The following SLC15A5 variants were observed in gnomAD, a reference collection of about 807,000 sequenced individuals.
SLC15A5 encodes solute carrier family 15 member 5, also known as Peptide/histidine transporter ENSP00000340402.
A neutral mutation model predicts 56.1 loss-of-function variants in SLC15A5; 58 were observed. The ratio of observed to expected loss-of-function variants is 1.03; its 90% CI spans 0.84 to 1.29. The LOEUF is 1.29. Among genes scored for constraint, SLC15A5 ranks in the 50% most tolerant of loss-of-function variants. SLC15A5 has a pLI of 0.00. For missense variants in SLC15A5, 681 were observed against 672.1 expected (o/e 1.01, Z -0.15); for synonymous variants, 264 against 250.5 (o/e 1.05, Z -0.51).
chr12:16,218,194 A>C (rs971013085), intron 6 of SLC15A5, among the ~76,000 whole-genome samples: 3 of 152,170 alleles, frequency 2.0e-5, no homozygotes, highest in Non-Finnish European at 4.4e-5. Context: ...AGGGGAGTTT[A>C]TTATACTAAT....
chr12:16,277,184 T>C (rs1233217063), intron 1 of SLC15A5, 141 bp downstream of exon 1: 1 of 818,828 alleles, frequency 1.2e-6, no homozygotes, highest in African/African-American at 1.7e-5. Flanking sequence ...GTACAAAGAA[T>C]GAAATACATT....
At chr12:16,233,682 T>C (rs1864320949) in intron 5 of SLC15A5, among the ~76,000 whole-genome samples, 1 of 152,160 alleles carries the variant, frequency 6.6e-6, no homozygotes, top group African/African-American at 2.4e-5. Flanking sequence ...TGCATGAAAC[T>C]TGAGAGAGCC....
At chr12:16,198,850 T>C (rs1863921327) in intron 7 of SLC15A5, among the ~76,000 whole-genome samples, 1 of 152,124 alleles carries the variant, frequency 6.6e-6, no homozygotes, top group Admixed American at 6.6e-5. Context: ...AAATACAGTT[T>C]ATTTCTCTTC....
intron 2 of SLC15A5, among the ~76,000 whole-genome samples, chr12:16,264,460 G>A (rs756490272): frequency 5.3e-5 from 8 of 152,184 alleles, no homozygotes; most frequent in African/African-American, 1.4e-4. Context: ...TGTCTCAGAT[G>A]AGACTTTGGA....
At chr12:16,193,632 C>T (rs79809917) in intron 8 of SLC15A5, among the ~76,000 whole-genome samples, 3,330 of 152,008 alleles carry the variant, frequency 0.022, 121 homozygotes, top group African/African-American at 0.073. Flanking sequence ...GTTTCTGCTT[C>T]GTGACAGACA....
At chr12:16,220,583 C>T (rs753004779) in intron 6 of SLC15A5, among the ~76,000 whole-genome samples, 2 of 152,184 alleles carry the variant, frequency 1.3e-5, no homozygotes, top group Non-Finnish European at 2.9e-5. Flanking sequence ...TTTATTGGAA[C>T]ACAGCCACGC....
intron 3 of SLC15A5, among the ~76,000 whole-genome samples, chr12:16,251,590 A>G (rs1397233378): frequency 6.6e-6 from 1 of 151,816 alleles, no homozygotes; most frequent in African/African-American, 2.4e-5. Flanking sequence ...ATAGCTTTCT[A>G]TAAACATACA....
At chr12:16,207,058 C>A (rs1864026392) in intron 7 of SLC15A5, among the ~76,000 whole-genome samples, 3 of 152,086 alleles carry the variant, frequency 2.0e-5, no homozygotes, top group Non-Finnish European at 1.5e-5. Flanking sequence ...TAGCTATGAA[C>A]TGTAATTGTA....
rs554792892 is a variant in SLC15A5 at position 16,256,140 on chromosome 12, C to G, written c.754+1561G>C. Among the ~76,000 whole-genome samples, 100 of 152,196 alleles carry G rather than the reference C, an allele frequency of 6.6e-4. 1 individual carries two copies. Among genetic ancestry groups the G allele is most frequent in the Non-Finnish European group, 1.0e-3 (70 of 67,998 alleles). The stretch of plus-strand genomic sequence containing the variant: ...ACATTAGCAGAATGTTGAAATTCAA[C>G]TCAATAATTTGCAAATCTATAGATA... On this transcript the variant is annotated intron_variant, in intron 3 of 8. Coordinates refer to ENST00000344941, the MANE Select transcript of SLC15A5 (RefSeq NM_001170798.1).
intron 3 of SLC15A5, among the ~76,000 whole-genome samples, chr12:16,245,726 G>A (rs1864455006): frequency 6.6e-6 from 1 of 152,126 alleles, no homozygotes; most frequent in South Asian, 2.1e-4. Context: ...TAATAAATGT[G>A]AAAATGTTTG....
intron 1 of SLC15A5, among the ~76,000 whole-genome samples, chr12:16,273,774 A>G (rs555141343): frequency 1.3e-5 from 2 of 150,034 alleles, no homozygotes; most frequent in African/African-American, 4.9e-5. Flanking sequence ...CCCCCCCATC[A>G]GATTACAAAA....
rs1307225910 is a variant in SLC15A5, at chr12:16,196,426, A to G, written c.1484-1973T>C. On this transcript the variant is annotated intron_variant, in intron 7 of 8. Transcript: ENST00000344941. This position sits in a 1 kb window ranked among gnomAD's most constrained non-coding sequence, Gnocchi z 4.0. Reference sequence around the variant, plus strand: ...TGTGTGCCCGTGCATGTGTGCACACAGGAACTAAACATTTGATTGTACTTG... The same window carrying G: ...TGTGTGCCCGTGCATGTGTGCACACGGGAACTAAACATTTGATTGTACTTG... Among the ~76,000 whole-genome samples, 2 of 151,912 alleles carry G rather than the reference A, an allele frequency of 1.3e-5. No individual in the cohort carries two copies. The highest frequency in any genetic ancestry group is 3.9e-4 in the East Asian group (2 of 5,166).
At chr12:16,256,182 T>A (rs1471476263) in intron 3 of SLC15A5, among the ~76,000 whole-genome samples, 1 of 152,228 alleles carries the variant, frequency 6.6e-6, no homozygotes, top group Non-Finnish European at 1.5e-5. Context: ...AATAATTAAA[T>A]GTTTATCTTC....
At chr12:16,219,056 G>T (rs555616158) in intron 6 of SLC15A5, among the ~76,000 whole-genome samples, 1 of 152,264 alleles carries the variant, frequency 6.6e-6, no homozygotes, top group Non-Finnish European at 1.5e-5. Flanking sequence ...TTGCACTTCA[G>T]GAAAGTGCTC....
chr12:16,262,745 G>A (rs1400429574), intron 2 of SLC15A5, among the ~76,000 whole-genome samples: 1 of 152,148 alleles, frequency 6.6e-6, no homozygotes, highest in Non-Finnish European at 1.5e-5. Flanking sequence ...ATTGAATCAT[G>A]GGGGCGGGTC....
In SLC15A5 at chr12:16,193,844, A is replaced by G. The variant is rs192671625; in HGVS notation, c.1592+501T>C. On this transcript the variant is annotated intron_variant, in intron 8 of 8. Coordinates refer to ENST00000344941, the MANE Select transcript of SLC15A5 (RefSeq NM_001170798.1). ...GAGAGAGAGAGAGAGAGAGAGAGAG[A>G]GGCTGGCAATGGATGGGTGGATGGA... Among the ~76,000 whole-genome samples the G allele has an allele frequency of 4.9e-3, 585 of 120,210 alleles. 13 individuals carry two copies. Among genetic ancestry groups the G allele is most frequent in the African/African-American group, 0.018 (525 of 29,048 alleles). 78.9% of individuals were successfully genotyped at this position (120,210 alleles called of 152,430 possible). A position where few individuals can be genotyped will look rare whatever the true frequency, so the allele number is the denominator to read the frequency against.
In SLC15A5 at chr12:16,189,626, A is replaced by G. The variant is rs1863820957; in HGVS notation, c.*42T>C. The G allele has an allele frequency of 2.9e-6, 4 of 1,378,934 alleles. No homozygotes were observed. Among genetic ancestry groups the G allele is most frequent in the South Asian group, 1.9e-5 (1 of 51,328 alleles). The allele number at this position is 1,378,934 out of a possible 1,614,324, so 85.4% of individuals were successfully genotyped here. ...AAATGCTCAACTGAAGAAGAAAACA[A>G]TGAATACTGTTCTCATAAGACAGGT... On this transcript the variant is annotated 3_prime_UTR_variant, in exon 9 of 9. Coordinates refer to ENST00000344941, the MANE Select transcript of SLC15A5 (RefSeq NM_001170798.1).
chr12:16,192,151 T>C (rs1218226538), intron 8 of SLC15A5, among the ~76,000 whole-genome samples: 1 of 152,126 alleles, frequency 6.6e-6, no homozygotes, highest in East Asian at 1.9e-4. Flanking sequence ...AAGATCTATA[T>C]GCCAAGAAGG....
At chr12:16,266,851 C>T (rs1435997053) in intron 2 of SLC15A5, among the ~76,000 whole-genome samples, 1 of 152,120 alleles carries the variant, frequency 6.6e-6, no homozygotes, top group Admixed American at 6.6e-5. Flanking sequence ...CTTTAGCCTA[C>T]TTTTAAATAC....
Sources: allele counts gnomAD v4.1 joint callset (sites outside exome capture counted in the v4.1 genomes callset), GRCh38; gene constraint gnomAD v4.1.1; non-coding constraint Gnocchi (gnomAD v3.1); transcripts MANE v1.5; gene names NCBI Gene and HGNC (gene_info 2026-07-23, HGNC 2026-07-21).